Variants in ENO4 observed in about 807,000 individuals in gnomAD.
The protein encoded by ENO4 is 2-phospho-D-glycerate hydro-lyase.
Under a neutral mutation model 63.2 loss-of-function variants are expected in ENO4, and 53 were observed. The observed-to-expected ratio is 0.84, with a 90% CI of 0.67 to 1.05. The LOEUF (loss-of-function observed/expected upper bound fraction) is 1.05. ENO4 is among the 50% of genes least tolerant of loss of function. ENO4 has a pLI of 0.00. For missense variants in ENO4, 719 were observed against 772.0 expected (o/e 0.93, Z 0.81); for synonymous variants, 266 against 283.8 (o/e 0.94, Z 0.63).
At chr10:116,877,623 A>C (rs1846876755) in intron 11 of ENO4, among the ~76,000 whole-genome samples, 1 of 152,084 alleles carries the variant, frequency 6.6e-6, no homozygotes, top group South Asian at 2.1e-4. Flanking sequence ...GTATCAGGGA[A>C]GCCTCGGGAG....
intron 10 of ENO4, among the ~76,000 whole-genome samples, chr10:116,887,722 C>G (rs1050995306): frequency 6.6e-6 from 1 of 152,142 alleles, no homozygotes; most frequent in African/African-American, 2.4e-5. Flanking sequence ...TAAACATCCA[C>G]GAGGCAGGGA....
At chr10:116,875,341 C>G (rs1200621537) in intron 10 of ENO4, among the ~76,000 whole-genome samples, 2 of 151,968 alleles carry the variant, frequency 1.3e-5, no homozygotes, top group Non-Finnish European at 2.9e-5. Context: ...GATGACTGTC[C>G]TGAGGCTCTG....
At chr10:116,860,690 G>T in intron 4 of ENO4, 104 bp from the exon 5 acceptor site, 2 of 873,218 alleles carry the variant, frequency 2.3e-6, no homozygotes, top group Non-Finnish European at 3.1e-6. Context: ...TAGAGCATTT[G>T]TTGTTCCCAG....
intron 4 of ENO4, among the ~76,000 whole-genome samples, chr10:116,860,507 C>T (rs1846380855): frequency 6.6e-6 from 1 of 152,194 alleles, no homozygotes; most frequent in African/African-American, 2.4e-5. Flanking sequence ...TTTAACCCCT[C>T]TAAGCCCCAG....
intron 1 of ENO4, among the ~76,000 whole-genome samples, chr10:116,853,613 C>A (rs1846157808): frequency 6.6e-6 from 1 of 152,216 alleles, no homozygotes; most frequent in Non-Finnish European, 1.5e-5. Context: ...CCTCTCCTAA[C>A]ACAACACGCG....
chr10:116,908,671 CTT>C (rs993019205), intron 10 of ENO4, among the ~76,000 whole-genome samples: 1 of 152,138 alleles, frequency 6.6e-6, no homozygotes, highest in Admixed American at 6.5e-5. Flanking sequence ...TCAAGGAAAA[CTT>C]ATGTGTGTGT....
intron 10 of ENO4, 101 bp downstream of exon 10, chr10:116,874,302 C>G (rs1056317489): frequency 1.0e-6 from 1 of 998,044 alleles, no homozygotes; most frequent in African/African-American, 1.6e-5. Flanking sequence ...ATATTTATAA[C>G]AAAACAGAGA....
chr10:116,868,457 A>G, intron 7 of ENO4, 193 bp from the exon 8 acceptor site: 2 of 697,968 alleles, frequency 2.9e-6, no homozygotes, highest in East Asian at 2.7e-5. Flanking sequence ...AATTTGAGAA[A>G]TAGTTTGTGG....
intron 12 of ENO4, among the ~76,000 whole-genome samples, chr10:116,879,659 TAA>T (rs2133282901): frequency 6.6e-6 from 1 of 152,332 alleles, no homozygotes; most frequent in Non-Finnish European, 1.5e-5. Context: ...ACGTGACTAG[TAA>T]AGTGCCTGAT....
intron 9 of ENO4, among the ~76,000 whole-genome samples, chr10:116,872,171 T>C (rs1485934351): frequency 6.6e-6 from 1 of 152,228 alleles, no homozygotes; most frequent in African/African-American, 2.4e-5. Context: ...CACTCCAGCC[T>C]GGGCAACAAG....
Position 116,868,703 on chromosome 10 carries a change from T to C in ENO4, c.1044T>C (p.Gly348=). The C allele has an allele frequency of 1.9e-6, 3 of 1,549,684 alleles. No homozygotes were observed. Among genetic ancestry groups the C allele is most frequent in the Non-Finnish European group, 2.6e-6 (3 of 1,146,366 alleles). Residue 348 remains glycine (G), a synonymous_variant, in exon 8 of 14, where the codon GGT becomes GGC. Transcript: ENST00000341276. ...TKKGHDGSKR[G]QQQITGKMSH... is the part of the protein sequence containing the mutation. Reference sequence around the variant, plus strand: ...AAGGGCACGATGGAAGCAAAAGAGGTCAAGTAAGTCTATATATTGTTTACC... The same window carrying C: ...AAGGGCACGATGGAAGCAAAAGAGGCCAAGTAAGTCTATATATTGTTTACC...
chr10:116,859,919 G>T (rs72831663), intron 4 of ENO4, among the ~76,000 whole-genome samples: 1 of 152,266 alleles, frequency 6.6e-6, no homozygotes, highest in Non-Finnish European at 1.5e-5. Flanking sequence ...GAAGTGAAGA[G>T]ATTTGCCCCG....
chr10:116,867,421 CAAAAA>C (rs35426438), intron 7 of ENO4, among the ~76,000 whole-genome samples: 12 of 137,756 alleles, frequency 8.7e-5, no homozygotes, highest in Non-Finnish European at 1.4e-4. Flanking sequence ...AAATATTTAC[CAAAAA>C]AAAAAAAAAA....
downstream of ENO4, chr10:116,885,347 C>G (rs895119415): frequency 2.6e-5 from 4 of 152,414 alleles, no homozygotes; most frequent in African/African-American, 9.7e-5. Context: ...CTTTGAAAAG[C>G]TGCATAAGTT....
chr10:116,878,884 C>T (rs895440512), intron 11 of ENO4, among the ~76,000 whole-genome samples: 9 of 151,856 alleles, frequency 5.9e-5, no homozygotes, highest in South Asian at 2.1e-4. Context: ...GCTGGGACTA[C>T]AGGTGCCTAC....
chr10:116,894,105 A>G (rs558047705), intron 10 of ENO4, among the ~76,000 whole-genome samples: 1 of 152,262 alleles, frequency 6.6e-6, no homozygotes, highest in African/African-American at 2.4e-5. Context: ...TTTCATGGAA[A>G]TGTTTGACTG....
At position 116,868,652 on chromosome 10, in the gene ENO4, C is replaced by G. The variant is rs1846607544; in HGVS notation, c.993C>G (p.Pro331=). The G allele has an allele frequency of 1.3e-6, 2 of 1,550,460 alleles. No homozygotes were observed. The highest frequency in any genetic ancestry group is 4.9e-5 in the East Asian group (2 of 40,906). ...CATTTTTATCTTCTGCCCCACAGCC[C>G]TCTCCTCCAAAAGCAGAGACAAAAA... ...QKHINKIIEM[P]SPPKAETKKG... Residue 331 remains proline, a splice_region_variant and synonymous_variant, in exon 8 of 14, where the codon CCC becomes CCG. Coordinates refer to ENST00000341276, the MANE Select transcript of ENO4 (RefSeq NM_001242699.2).
intron 10 of ENO4, among the ~76,000 whole-genome samples, chr10:116,902,321 A>T (rs926951831): frequency 3.3e-5 from 5 of 152,180 alleles, no homozygotes; most frequent in African/African-American, 9.7e-5. Context: ...CTCAAGAGTT[A>T]ATTCTTCCCA....
intron 11 of ENO4, among the ~76,000 whole-genome samples, chr10:116,877,901 T>A (rs1448081318): frequency 1.3e-5 from 2 of 152,220 alleles, no homozygotes; most frequent in Non-Finnish European, 2.9e-5. Context: ...ACTATAGTCA[T>A]CTCACTTGCC....
Sources: allele counts gnomAD v4.1 joint callset (sites outside exome capture counted in the v4.1 genomes callset), GRCh38; gene constraint gnomAD v4.1.1; transcripts MANE v1.5; gene names NCBI Gene and HGNC (gene_info 2026-07-23, HGNC 2026-07-21).